NOMO1: variants seen among roughly 807,000 people sequenced by gnomAD.
NOMO1 encodes NODAL modulator 1.
NOMO1 carries 40 observed loss-of-function variants against 133.8 expected under a neutral mutation model. The ratio of observed to expected loss-of-function variants is 0.30; its 90% CI spans 0.23 to 0.39. NOMO1 has a LOEUF of 0.39. Ranked by LOEUF, NOMO1 falls within the 10% of genes least tolerant of loss-of-function variation. NOMO1 has a pLI of 1.00. For synonymous variants in NOMO1, 236 were observed against 570.5 expected (o/e 0.41, Z 8.36); for missense variants, 462 against 1,419.9 (o/e 0.33, Z 10.84).
chr16:14,876,702 C>G lies in NOMO1; in HGVS notation c.2555C>G (p.Thr852Ser). The change falls in exon 22 of 31, where the codon ACC (threonine) becomes AGC (serine). Residue 852 changes from threonine (T) to serine (S), a missense_variant. Physicochemically the swap from Thr to Ser is moderately conservative, Grantham distance 58 (BLOSUM62 1). Transcript: ENST00000287667. The stretch of plus-strand genomic sequence containing the variant: ...CACAGTGACCTGGAGTACACGGTGA[C>G]CTCACAGAAGGAGGGCTATGTTCTG... ...PLHSDLEYTVTSQKEGYVLTA... is the reference protein window; with the variant it reads ...PLHSDLEYTVSSQKEGYVLTA... 1 of 1,610,696 alleles carries G rather than the reference C, an allele frequency of 6.2e-7. No individual in the cohort carries two copies. The highest frequency in any genetic ancestry group is 8.5e-7 in the Non-Finnish European group (1 of 1,179,714).
chr16:14,867,266 A>C (rs1964017683), intron 15 of NOMO1, among the ~76,000 whole-genome samples: 1 of 77,406 alleles, frequency 1.3e-5, no homozygotes, highest in East Asian at 3.2e-4. Flanking sequence ...CGGCTCACTG[A>C]AACCTCCGCC....
intron 26 of NOMO1, among the ~76,000 whole-genome samples, chr16:14,883,388 G>A (rs1188285466): frequency 3.3e-5 from 5 of 150,588 alleles, no homozygotes; most frequent in Admixed American, 2.6e-4. Context: ...GCAGGATGGA[G>A]TGCAGTGCCG....
Position 14,866,815 on chromosome 16 carries a change from T to C in NOMO1, c.1806+124T>C, listed in dbSNP as rs1005031878. 4.4e-6 allele frequency: 7 copies of C among 1,598,968 alleles called. No individual in the cohort carries two copies. In the East Asian group the frequency reaches 6.8e-5, roughly 16 times the overall value. On this transcript the variant is annotated intron_variant, in intron 15 of 30. Coordinates refer to ENST00000287667, the MANE Select transcript of NOMO1 (RefSeq NM_014287.4). ...TAGATTTCCTTTTCTGCCTCTCCACTCGCCCACCTGTTACGCAACGCATAA... is the reference window on the plus strand; with the variant it reads ...TAGATTTCCTTTTCTGCCTCTCCACCCGCCCACCTGTTACGCAACGCATAA...
At position 14,853,599 on chromosome 16, in the gene NOMO1, A is replaced by G; in HGVS notation, c.868A>G (p.Thr290Ala). Residue 290 changes from threonine (T) to alanine (A), a missense_variant, in exon 8 of 31, where the codon ACT becomes GCT. Thr to Ala is a moderately conservative substitution (Grantham distance 58). Transcript: ENST00000287667. The stretch of plus-strand genomic sequence containing the variant: ...CTATTCCTTGCCAAGTGGGGGCTAC[A>G]CTGTGGTGAGTAAAGCAGATTTCCG... The part of the protein sequence containing the change: ...SFYSLPSGGY[T>A]VIPFYRGERI... The G allele has an allele frequency of 1.9e-6, 3 of 1,611,344 alleles. No homozygotes were observed. The highest frequency in any genetic ancestry group is 1.3e-5 in the African/African-American group (1 of 74,552).
chr16:14,837,438 C>G (rs1426191687), intron 1 of NOMO1, among the ~76,000 whole-genome samples: 5 of 152,130 alleles, frequency 3.3e-5, no homozygotes, highest in African/African-American at 1.2e-4. Context: ...CGAGCTTGCC[C>G]AAGGCCACGC....
chr16:14,869,827 C>T (rs1964056653), intron 16 of NOMO1, among the ~76,000 whole-genome samples: 1 of 147,046 alleles, frequency 6.8e-6, no homozygotes, highest in Non-Finnish European at 1.5e-5. Flanking sequence ...AAATTGTTTT[C>T]CACAGAGGCT....
chr16:14,874,786 T>C (rs1421750041), intron 18 of NOMO1, among the ~76,000 whole-genome samples: 1 of 151,962 alleles, frequency 6.6e-6, no homozygotes, highest in African/African-American at 2.4e-5. Flanking sequence ...TACAAGCTTA[T>C]ATCCAGTCGC....
intron 29 of NOMO1, 22 bp downstream of exon 29, chr16:14,889,237 A>G (rs1259289341): frequency 6.2e-7 from 1 of 1,611,714 alleles, no homozygotes; most frequent in African/African-American, 1.3e-5. Context: ...AGGGAGTTAA[A>G]AAAAAACCCA....
chr16:14,840,415 C>T (rs1416673195), intron 2 of NOMO1, among the ~76,000 whole-genome samples: 8 of 60,236 alleles, frequency 1.3e-4, no homozygotes, highest in Admixed American at 2.1e-4. Context: ...GGTGCAACCC[C>T]GTCTCTACTA....
At chr16:14,880,807 C>G (rs575239468) in intron 24 of NOMO1, among the ~76,000 whole-genome samples, 1 of 151,290 alleles carries the variant, frequency 6.6e-6, no homozygotes, top group Non-Finnish European at 1.5e-5. Flanking sequence ...TGTCTCGTCT[C>G]CTAGCCACCC....
intron 6 of NOMO1, among the ~76,000 whole-genome samples, chr16:14,850,293 A>C (rs999530813): frequency 6.6e-6 from 1 of 151,822 alleles, no homozygotes; most frequent in African/African-American, 2.4e-5. Flanking sequence ...AAAAATTATG[A>C]AGACATGTAT....
intron 6 of NOMO1, among the ~76,000 whole-genome samples, chr16:14,850,655 C>T (rs958093518): frequency 6.6e-6 from 1 of 151,316 alleles, no homozygotes; most frequent in African/African-American, 2.4e-5. Context: ...TCTACTCTAT[C>T]TGTTTTATTA....
intron 1 of NOMO1, among the ~76,000 whole-genome samples, chr16:14,836,000 T>C (rs1963501293): frequency 6.6e-6 from 1 of 151,778 alleles, no homozygotes; most frequent in Admixed American, 6.6e-5. Context: ...GGGACCTTAC[T>C]GTTAAAAAAA....
intron 14 of NOMO1, among the ~76,000 whole-genome samples, chr16:14,866,224 T>C (rs1189287665): frequency 6.8e-6 from 1 of 147,702 alleles, no homozygotes; most frequent in African/African-American, 2.5e-5. Context: ...CATGCCTGGA[T>C]AACTTTTGTA....
intron 28 of NOMO1, among the ~76,000 whole-genome samples, chr16:14,887,297 CTTT>C: frequency 1.4e-5 from 2 of 146,024 alleles, no homozygotes. Flanking sequence ...TCAAATCTTT[CTTT>C]TTTTTTTTTT....
intron 29 of NOMO1, among the ~76,000 whole-genome samples, chr16:14,894,268 A>G (rs1964447671): frequency 6.6e-6 from 1 of 152,112 alleles, no homozygotes; most frequent in Non-Finnish European, 1.5e-5. Context: ...CTTTTCTCCA[A>G]AATGGGGCAA....
chr16:14,855,749 G>A (rs973055497), intron 9 of NOMO1, among the ~76,000 whole-genome samples: 1 of 151,968 alleles, frequency 6.6e-6, no homozygotes. Flanking sequence ...GGAATTTCAG[G>A]GAATGGGGCC....
intron 11 of NOMO1, among the ~76,000 whole-genome samples, chr16:14,859,269 G>T (rs1567540902): frequency 6.6e-6 from 1 of 151,958 alleles, no homozygotes; most frequent in Non-Finnish European, 1.5e-5. Flanking sequence ...GATCACTGAG[G>T]AGGCCACAGT....
chr16:14,882,844 G>T (rs1204251146), intron 26 of NOMO1, among the ~76,000 whole-genome samples, 167 bp downstream of exon 26: 1 of 151,996 alleles, frequency 6.6e-6, no homozygotes, highest in Non-Finnish European at 1.5e-5. Context: ...ATCTTATGTG[G>T]GTTTTTAATG....
Sources: gnomAD v4.1 joint callset for allele counts (sites outside exome capture counted in the v4.1 genomes callset) on GRCh38, gnomAD v4.1.1 for gene constraint, MANE v1.5 for transcripts, NCBI Gene and HGNC (gene_info 2026-07-23, HGNC 2026-07-21) for gene names.